CORO2B: variants seen among roughly 807,000 people sequenced by gnomAD.
CORO2B encodes coronin 2B, also known as coronin-2B.
In CORO2B, 26 loss-of-function variants were observed where a neutral mutation model predicts 58.8. The ratio of observed to expected loss-of-function variants is 0.44; its 90% CI spans 0.32 to 0.61. The LOEUF (loss-of-function observed/expected upper bound fraction) is 0.61, where lower values mean the gene tolerates loss of function less well. CORO2B is among the 20% of genes least tolerant of loss of function. The probability of loss-of-function intolerance (pLI) is 0.04; values close to 1 mark genes in which losing one functional copy is unlikely to be tolerated. For missense variants in CORO2B, 460 were observed against 645.1 expected, an observed-to-expected ratio of 0.71 and a Z score of 3.11; for synonymous variants, 242 against 253.8, an observed-to-expected ratio of 0.95 and a Z score of 0.44.
At chr15:68,713,117 G>C (rs1892958273) in intron 5 of CORO2B, among the ~76,000 whole-genome samples, 1 of 152,180 alleles carries the variant, frequency 6.6e-6, no homozygotes, top group African/African-American at 2.4e-5. Flanking sequence ...CCAGTGGGCA[G>C]GAAAGGAGGC....
At chr15:68,583,968 T>G (rs749732567) in intron 1 of CORO2B, among the ~76,000 whole-genome samples, 4 of 152,184 alleles carry the variant, frequency 2.6e-5, no homozygotes, top group Non-Finnish European at 4.4e-5. Flanking sequence ...TATCCAGCAT[T>G]CTCATGCTGG....
chr15:68,647,518 C>T (rs1296459625), intron 2 of CORO2B, among the ~76,000 whole-genome samples: 5 of 151,148 alleles, frequency 3.3e-5, no homozygotes, highest in Non-Finnish European at 5.9e-5. Flanking sequence ...GGAGAAACTC[C>T]GTCTCTACTA....
intron 11 of CORO2B, among the ~76,000 whole-genome samples, chr15:68,719,849 G>C (rs1454528553): frequency 6.6e-6 from 1 of 152,244 alleles, no homozygotes; most frequent in South Asian, 2.1e-4. Context: ...AGTTCCAGGA[G>C]TTATAAATTC....
the CORO2B span, among the ~76,000 whole-genome samples, chr15:68,540,851 G>GT: frequency 6.6e-6 from 1 of 152,104 alleles, no homozygotes; most frequent in African/African-American, 2.4e-5. Flanking sequence ...AGCACCAGCA[G>GT]TTTTAGCCAC....
At chr15:68,600,207 G>C (rs193003737) in intron 1 of CORO2B, among the ~76,000 whole-genome samples, 1 of 152,298 alleles carries the variant, frequency 6.6e-6, no homozygotes, top group East Asian at 1.9e-4. Flanking sequence ...AATTCCAATA[G>C]CCTAAGTGCT....
At chr15:68,702,137 G>T (rs1042855656) in intron 3 of CORO2B, among the ~76,000 whole-genome samples, 2 of 152,068 alleles carry the variant, frequency 1.3e-5, no homozygotes, top group Non-Finnish European at 2.9e-5. Flanking sequence ...TCAGGTACGG[G>T]CACGGGCAGG....
chr15:68,632,376 C>A, intron 1 of CORO2B: 1 of 985,426 alleles, frequency 1.0e-6, no homozygotes, highest in Non-Finnish European at 1.2e-6. Context: ...TCAGCTCGGT[C>A]CAGTAGAGTT....
the CORO2B span, among the ~76,000 whole-genome samples, chr15:68,554,741 G>A: frequency 6.6e-6 from 1 of 152,214 alleles, no homozygotes; most frequent in African/African-American, 2.4e-5. Flanking sequence ...GAGCGGCTAA[G>A]TGAGCTGTCA....
chr15:68,667,920 G>A (rs16952352), intron 2 of CORO2B, among the ~76,000 whole-genome samples: 14,528 of 152,164 alleles, frequency 0.095, 1,086 homozygotes, highest in African/African-American at 0.21. Flanking sequence ...TATTACTCCC[G>A]AAAGCCTTGG....
chr15:68,692,423 A>T lies in CORO2B; in HGVS notation c.217-2717A>T, dbSNP rs1449521522. Among the ~76,000 whole-genome samples the T allele has an allele frequency of 4.0e-5, 6 of 151,860 alleles. No homozygotes were observed. In the East Asian group the frequency reaches 1.2e-3, roughly 30 times the overall value. ...AACACAGGGAAACCCCATCTCTACT[A>T]AAAATATAAAAATTAGCTGGGCATG... On this transcript the variant is annotated intron_variant, in intron 2 of 11. Coordinates refer to ENST00000261861, the MANE Select transcript of CORO2B (RefSeq NM_006091.5).
At position 68,727,033 on chromosome 15, in the gene CORO2B, C is replaced by T. The variant is rs1316406826; in HGVS notation, c.*1059C>T. 2 of 152,610 alleles carry T rather than the reference C, an allele frequency of 1.3e-5. No homozygotes were observed. Among genetic ancestry groups the T allele is most frequent in the African/African-American group, 4.8e-5 (2 of 41,438 alleles). 9.5% of individuals were successfully genotyped at this position (152,610 alleles called of 1,614,324 possible). ...CAGGGGACTCCATCTGAGATGAGGC[C>T]TCGTCCTCCTGGAAGCTGAGGCTGA... On this transcript the variant is annotated 3_prime_UTR_variant, in exon 12 of 12. Transcript: ENST00000261861.
At chr15:68,667,742 A>G (rs759769730) in intron 2 of CORO2B, among the ~76,000 whole-genome samples, 11 of 151,782 alleles carry the variant, frequency 7.2e-5, no homozygotes, top group Non-Finnish European at 1.6e-4. Context: ...GGGCGGGGGG[A>G]TGTGGAGGAA....
chr15:68,714,370 T>C (rs1310831398), intron 6 of CORO2B, among the ~76,000 whole-genome samples, 189 bp from the exon 7 acceptor site: 1 of 152,158 alleles, frequency 6.6e-6, no homozygotes, highest in East Asian at 1.9e-4. Context: ...TGTAAGACCC[T>C]TTCCACTGCC....
At chr15:68,714,522 G>C in intron 6 of CORO2B, 37 bp from the exon 7 acceptor site, 1 of 1,544,572 alleles carries the variant, frequency 6.5e-7, no homozygotes, top group Non-Finnish European at 9.0e-7. Context: ...ATGCCATCCT[G>C]CCTGCAGAGA....
chr15:68,697,500 A>C (rs1261211640), intron 3 of CORO2B, among the ~76,000 whole-genome samples: 1 of 152,182 alleles, frequency 6.6e-6, no homozygotes, highest in Non-Finnish European at 1.5e-5. Context: ...CACAGTACCT[A>C]GTACATGGGA....
chr15:68,576,900 CAG>C (rs1200527745), upstream of CORO2B, among the ~76,000 whole-genome samples: 5 of 152,144 alleles, frequency 3.3e-5, no homozygotes, highest in African/African-American at 1.2e-4. Context: ...CCTCTGTGCT[CAG>C]AGGCTCATGA....
intron 1 of CORO2B, among the ~76,000 whole-genome samples, chr15:68,592,666 A>C (rs568268793): frequency 6.6e-6 from 1 of 152,166 alleles, no homozygotes; most frequent in South Asian, 2.1e-4. Flanking sequence ...CATTCACTCT[A>C]TAAATATTTG....
At chr15:68,578,510 G>A (rs1448605797), upstream of CORO2B, among the ~76,000 whole-genome samples, 1 of 152,002 alleles carries the variant, frequency 6.6e-6, no homozygotes, top group African/African-American at 2.4e-5. This position sits in a 1 kb window ranked among gnomAD's most constrained non-coding sequence, Gnocchi z 4.2. Flanking sequence ...GCCAGCGCGA[G>A]GTGGGGGTGC....
the CORO2B span, among the ~76,000 whole-genome samples, chr15:68,547,968 C>T: frequency 6.1e-4 from 92 of 151,944 alleles, no homozygotes; most frequent in East Asian, 1.6e-3. Context: ...GTCAGGAGTT[C>T]GAGACCAACC....
Sources: gnomAD v4.1 joint callset for allele counts (sites outside exome capture counted in the v4.1 genomes callset) on GRCh38, gnomAD v4.1.1 for gene constraint, Gnocchi (gnomAD v3.1) non-coding constraint, MANE v1.5 for transcripts, NCBI Gene and HGNC (gene_info 2026-07-23, HGNC 2026-07-21) for gene names.